Variants in RBFOX1 observed in about 807,000 individuals in gnomAD.
RBFOX1 encodes RNA binding protein fox-1 homolog 1.
A neutral mutation model predicts 57.7 loss-of-function variants in RBFOX1; 8 were observed. The ratio of observed to expected loss-of-function variants is 0.14; its 90% CI spans 0.08 to 0.25. The LOEUF (loss-of-function observed/expected upper bound fraction) is 0.25. RBFOX1 is among the 10% of genes least tolerant of loss of function. RBFOX1 has a pLI of 1.00. For synonymous variants in RBFOX1, 326 were observed against 222.4 expected, an observed-to-expected ratio of 1.47 and a Z score of -4.15; for missense variants, 611 against 548.5, an observed-to-expected ratio of 1.11 and a Z score of -1.14.
intron 5 of RBFOX1, among the ~76,000 whole-genome samples, chr16:7,524,294 C>A (rs1423730912): frequency 9.9e-5 from 15 of 152,166 alleles, no homozygotes; most frequent in Non-Finnish European, 2.9e-5. Flanking sequence ...CCAACCAGAG[C>A]TCAGTAAAAT....
At chr16:5,661,294 CAG>C (rs1444586316) in intron 3 of RBFOX1, among the ~76,000 whole-genome samples, 7 of 152,156 alleles carry the variant, frequency 4.6e-5, no homozygotes, top group Admixed American at 1.3e-4. Flanking sequence ...GGGTCAGTGA[CAG>C]TGAACATTTT....
intron 1 of RBFOX1, among the ~76,000 whole-genome samples, chr16:6,078,618 C>T (rs1420981264): frequency 6.6e-6 from 1 of 152,176 alleles, no homozygotes; most frequent in African/African-American, 2.4e-5. Flanking sequence ...CCTTTAGATG[C>T]TGCTGCATTT....
At chr16:6,495,421 G>A (rs1027084312) in intron 2 of RBFOX1, among the ~76,000 whole-genome samples, 16 of 137,260 alleles carry the variant, frequency 1.2e-4, no homozygotes, top group African/African-American at 2.5e-4. Flanking sequence ...TTGAGCTTCC[G>A]CGCCTGGCAG....
At chr16:7,171,902 G>C (rs2080773794) in intron 4 of RBFOX1, among the ~76,000 whole-genome samples, 1 of 152,152 alleles carries the variant, frequency 6.6e-6, no homozygotes, top group Non-Finnish European at 1.5e-5. Flanking sequence ...CCACTTAAGA[G>C]AGGATATATC....
chr16:6,243,262 C>G (rs2097549784), intron 1 of RBFOX1, among the ~76,000 whole-genome samples: 2 of 152,082 alleles, frequency 1.3e-5, no homozygotes, highest in African/African-American at 4.8e-5. Context: ...CACTCTACAT[C>G]TTCACATCTT....
intron 3 of RBFOX1, among the ~76,000 whole-genome samples, chr16:5,675,109 G>A (rs2050125877): frequency 6.6e-6 from 1 of 152,060 alleles, no homozygotes; most frequent in Non-Finnish European, 1.5e-5. Context: ...GATTGCACCA[G>A]TACTCTCCAG....
chr16:6,101,128 A>T (rs993249539), intron 1 of RBFOX1, among the ~76,000 whole-genome samples: 2 of 152,198 alleles, frequency 1.3e-5, no homozygotes, highest in Non-Finnish European at 2.9e-5. Flanking sequence ...AATGGGTATA[A>T]TACTGACTTC....
chr16:5,442,479 G>T (rs544675453), intron 1 of RBFOX1, among the ~76,000 whole-genome samples: 1 of 152,204 alleles, frequency 6.6e-6, no homozygotes, highest in Non-Finnish European at 1.5e-5. Flanking sequence ...GAGGCAGGGA[G>T]GTGACTGAGC....
At chr16:6,042,758 T>G (rs543461018) in intron 1 of RBFOX1, among the ~76,000 whole-genome samples, 2 of 152,158 alleles carry the variant, frequency 1.3e-5, no homozygotes, top group South Asian at 4.1e-4. Flanking sequence ...CAAAGACAAA[T>G]CAGTACATGA....
chr16:7,143,518 G>T (rs1657683093), intron 4 of RBFOX1, among the ~76,000 whole-genome samples: 1 of 152,080 alleles, frequency 6.6e-6, no homozygotes, highest in African/African-American at 2.4e-5. Context: ...CGCCCCTGGA[G>T]GCAGCAGAAG....
At chr16:6,852,357 T>A (rs2094118124) in intron 3 of RBFOX1, among the ~76,000 whole-genome samples, 1 of 152,078 alleles carries the variant, frequency 6.6e-6, no homozygotes, top group African/African-American at 2.4e-5. Flanking sequence ...TCCAGGTTGA[T>A]CACCCATTTT....
At chr16:7,567,580 C>A (rs1455901688) in intron 5 of RBFOX1, among the ~76,000 whole-genome samples, 2 of 73,682 alleles carry the variant, frequency 2.7e-5, no homozygotes, top group African/African-American at 9.1e-5. Flanking sequence ...TATATATATC[C>A]CTATATATGG....
intron 3 of RBFOX1, among the ~76,000 whole-genome samples, chr16:5,790,911 C>G (rs957008886): frequency 6.8e-6 from 1 of 146,498 alleles, no homozygotes. Context: ...CTCTGTTGCT[C>G]AGGCTGGAGT....
chr16:7,501,518 T>C (rs535138838), intron 4 of RBFOX1, among the ~76,000 whole-genome samples: 1 of 152,286 alleles, frequency 6.6e-6, no homozygotes, highest in Admixed American at 6.5e-5. Flanking sequence ...TTTGAGAGCT[T>C]TACAATCCAG....
At chr16:6,377,441 C>A (rs1464391939) in intron 2 of RBFOX1, among the ~76,000 whole-genome samples, 1 of 152,146 alleles carries the variant, frequency 6.6e-6, no homozygotes, top group East Asian at 1.9e-4. Context: ...GGGTTGTTAT[C>A]CAACCCAGTG....
intron 4 of RBFOX1, among the ~76,000 whole-genome samples, chr16:7,168,891 G>A (rs1263762944): frequency 6.6e-6 from 1 of 151,462 alleles, no homozygotes; most frequent in East Asian, 1.9e-4. Flanking sequence ...CTCTATTTTT[G>A]TCTTAACTCC....
At chr16:7,101,277 G>C (rs371828568) in intron 4 of RBFOX1, among the ~76,000 whole-genome samples, 41 of 152,230 alleles carry the variant, frequency 2.7e-4, no homozygotes, top group African/African-American at 9.1e-4. Flanking sequence ...GTGCCAGCTC[G>C]CCGCTAGCTT....
intron 1 of RBFOX1, among the ~76,000 whole-genome samples, chr16:6,131,177 A>C (rs965363601): frequency 1.1e-4 from 16 of 152,208 alleles, no homozygotes; most frequent in African/African-American, 3.9e-4. Context: ...GCACCAGAGG[A>C]CTACCTAGTG....
intron 2 of RBFOX1, among the ~76,000 whole-genome samples, chr16:6,369,032 A>G (rs867266426): frequency 1.7e-4 from 26 of 152,334 alleles, no homozygotes; most frequent in Middle Eastern, 3.4e-3. Flanking sequence ...AATTGAAACT[A>G]TGGAAAATAA....
Sources: gnomAD v4.1 joint callset for allele counts (sites outside exome capture counted in the v4.1 genomes callset) on GRCh38, gnomAD v4.1.1 for gene constraint, MANE v1.5 for transcripts, NCBI Gene and HGNC (gene_info 2026-07-23, HGNC 2026-07-21) for gene names.